RAP1GDS1: variants seen among roughly 807,000 people sequenced by gnomAD.
The protein encoded by RAP1GDS1 is RAP1, GTP-GDP dissociation stimulator 1.
A neutral mutation model predicts 71.1 loss-of-function variants in RAP1GDS1; 35 were observed. The ratio of observed to expected loss-of-function variants is 0.49; its 90% CI spans 0.38 to 0.65. RAP1GDS1 has a LOEUF of 0.65. Among genes scored for constraint, RAP1GDS1 ranks in the 30% least tolerant of loss-of-function variants. The probability of loss-of-function intolerance (pLI) is 0.00; values close to 1 mark genes in which losing one functional copy is unlikely to be tolerated. For synonymous variants in RAP1GDS1, 229 were observed against 243.1 expected (o/e 0.94, Z 0.54); for missense variants, 663 against 706.1 (o/e 0.94, Z 0.69).
intron 5 of RAP1GDS1, among the ~76,000 whole-genome samples, chr4:98,390,939 TA>T (rs1276992403): frequency 2.0e-5 from 3 of 151,964 alleles, no homozygotes; most frequent in Non-Finnish European, 4.4e-5. Context: ...AGAAATAACT[TA>T]AAAGAATTTG....
intron 2 of RAP1GDS1, among the ~76,000 whole-genome samples, chr4:98,322,957 C>G (rs899388870): frequency 2.8e-5 from 4 of 145,014 alleles, no homozygotes; most frequent in South Asian, 4.4e-4. Flanking sequence ...CACAAAAAAC[C>G]CTTCAAAAAG....
At chr4:98,431,759 A>G (rs1286182336) in intron 12 of RAP1GDS1, among the ~76,000 whole-genome samples, 1 of 152,196 alleles carries the variant, frequency 6.6e-6, no homozygotes, top group African/African-American at 2.4e-5. Context: ...TACTCAGTAC[A>G]ATGTCCAGCT....
chr4:98,415,330 G>A (rs1747786602), intron 7 of RAP1GDS1, among the ~76,000 whole-genome samples: 2 of 152,146 alleles, frequency 1.3e-5, no homozygotes, highest in Non-Finnish European at 2.9e-5. Context: ...AAGCACACAT[G>A]TTCTACAATC....
chr4:98,433,890 A>T (rs2110217332), intron 12 of RAP1GDS1, 46 bp from the exon 13 acceptor site: 1 of 1,535,586 alleles, frequency 6.5e-7, no homozygotes, highest in South Asian at 1.2e-5. Flanking sequence ...CATGTTCCTT[A>T]TGTTTAAAAT....
At chr4:98,377,734 T>C (rs1741369116) in intron 4 of RAP1GDS1, among the ~76,000 whole-genome samples, 1 of 151,790 alleles carries the variant, frequency 6.6e-6, no homozygotes, top group Admixed American at 6.6e-5. Flanking sequence ...TTAGTTTCAG[T>C]TCTTATATTT....
At position 98,343,206 on chromosome 4, in the gene RAP1GDS1, A is replaced by T; in HGVS notation, c.180A>T (p.Pro60=). The change falls in exon 3 of 15, where the codon CCA becomes CCT. Residue 60 remains proline (P), a synonymous_variant. Coordinates refer to ENST00000408927, the MANE Select transcript of RAP1GDS1 (RefSeq NM_001100427.2). ...AGCTGTTTGCAAGTCTGTTGACTCC[A>T]CAGTCTTCCTGCAAAGCCAAAGTAG... is the stretch of plus-strand genomic sequence containing the variant. The part of the protein sequence containing the change: ...ILQLFASLLT[P]QSSCKAKVAN... The T allele has an allele frequency of 6.2e-7, 1 of 1,606,034 alleles. No individual in the cohort carries two copies. The highest frequency in any genetic ancestry group is 8.5e-7 in the Non-Finnish European group (1 of 1,172,674).
rs114414671 is a variant in RAP1GDS1 at position 98,263,637 on chromosome 4, A to G, written c.4+2068A>G. On this transcript the variant is annotated intron_variant, in intron 1 of 14. Coordinates refer to ENST00000408927, the MANE Select transcript of RAP1GDS1 (RefSeq NM_001100427.2). Reference sequence around the variant, plus strand: ...TGCATTTAATCATGAGTCCCAGAAGATGAAAAGTGTCTTATTATTTTTTGT... The same window carrying G: ...TGCATTTAATCATGAGTCCCAGAAGGTGAAAAGTGTCTTATTATTTTTTGT... Among the ~76,000 whole-genome samples the G allele has an allele frequency of 9.3e-3, 1,416 of 152,348 alleles. 23 individuals carry two copies. The highest frequency in any genetic ancestry group is 0.032 in the African/African-American group (1,343 of 41,572).
chr4:98,403,584 A>C (rs1037512511), intron 6 of RAP1GDS1, among the ~76,000 whole-genome samples: 1 of 152,174 alleles, frequency 6.6e-6, no homozygotes, highest in Non-Finnish European at 1.5e-5. Flanking sequence ...ATGGGCAGTT[A>C]AATAGCCTGA....
intron 2 of RAP1GDS1, among the ~76,000 whole-genome samples, chr4:98,334,434 A>C (rs1224439015): frequency 6.6e-6 from 1 of 152,230 alleles, no homozygotes; most frequent in African/African-American, 2.4e-5. Flanking sequence ...AAAATTTCTA[A>C]GTGGCATTGA....
chr4:98,371,225 G>T (rs912041791), intron 4 of RAP1GDS1, among the ~76,000 whole-genome samples: 2 of 150,350 alleles, frequency 1.3e-5, no homozygotes, highest in Non-Finnish European at 2.9e-5. Flanking sequence ...TGATTCTCCT[G>T]CCTCAGCCTC....
intron 4 of RAP1GDS1, among the ~76,000 whole-genome samples, chr4:98,368,188 G>C (rs1334146884): frequency 6.6e-6 from 1 of 152,120 alleles, no homozygotes; most frequent in Non-Finnish European, 1.5e-5. Context: ...TCCTGCACAA[G>C]CTCTGTTTGC....
chr4:98,364,976 C>A (rs111833279), intron 4 of RAP1GDS1, among the ~76,000 whole-genome samples: 1,892 of 152,126 alleles, frequency 0.012, 41 homozygotes, highest in African/African-American at 0.044. Context: ...TCTGATCAGG[C>A]CACTGCATTC....
chr4:98,302,707 C>G (rs1728739414), intron 2 of RAP1GDS1, among the ~76,000 whole-genome samples: 1 of 152,030 alleles, frequency 6.6e-6, no homozygotes, highest in African/African-American at 2.4e-5. Context: ...AAAACAAATA[C>G]AGAGGAAAAA....
chr4:98,422,893 A>G (rs74409847), intron 12 of RAP1GDS1, among the ~76,000 whole-genome samples: 178 of 152,336 alleles, frequency 1.2e-3, no homozygotes, highest in African/African-American at 4.0e-3. Context: ...AGGACCAAGC[A>G]GTATGTTGGC....
At chr4:98,432,243 CCTACT>C (rs1750531445) in intron 12 of RAP1GDS1, among the ~76,000 whole-genome samples, 1 of 152,146 alleles carries the variant, frequency 6.6e-6, no homozygotes. Flanking sequence ...TAGTTCATTC[CCTACT>C]CTTCCTTCTA....
intron 3 of RAP1GDS1, among the ~76,000 whole-genome samples, chr4:98,344,006 A>T (rs1735889622): frequency 6.6e-6 from 1 of 152,170 alleles, no homozygotes; most frequent in Admixed American, 6.5e-5. Context: ...TGTTTCATAT[A>T]TTATTCTTTA....
chr4:98,309,954 C>T (rs1227929863), intron 2 of RAP1GDS1, among the ~76,000 whole-genome samples: 4 of 151,760 alleles, frequency 2.6e-5, no homozygotes, highest in Non-Finnish European at 5.9e-5. Context: ...AAAAGAAGTT[C>T]ACTTACTAAA....
At chr4:98,267,958 C>CCACTAA (rs1441536415) in intron 1 of RAP1GDS1, among the ~76,000 whole-genome samples, 1 of 152,176 alleles carries the variant, frequency 6.6e-6, no homozygotes. Context: ...ATTTATATTT[C>CCACTAA]CACTAACAGT....
rs75556889 is a variant in RAP1GDS1 at position 98,328,633 on chromosome 4, T to G, written c.113-14506T>G. On this transcript the variant is annotated intron_variant, in intron 2 of 14. Transcript: ENST00000408927. Reference sequence around the variant, plus strand: ...GAGCTACAATCTAATAAGGATGTGTTTTATAGTTTTTTTTAATAAACATAA... The same window carrying G: ...GAGCTACAATCTAATAAGGATGTGTGTTATAGTTTTTTTTAATAAACATAA... 1.0e-2 allele frequency among the ~76,000 whole-genome samples: 1,518 copies of G among 152,272 alleles called. 20 individuals are homozygous for G. The highest frequency in any genetic ancestry group is 0.033 in the African/African-American group (1,358 of 41,546).
Sources: allele counts gnomAD v4.1 joint callset (sites outside exome capture counted in the v4.1 genomes callset), GRCh38; gene constraint gnomAD v4.1.1; transcripts MANE v1.5; gene names NCBI Gene and HGNC (gene_info 2026-07-23, HGNC 2026-07-21).